The following MAGI2 variants were observed in gnomAD, a reference collection of about 807,000 sequenced individuals.
MAGI2 encodes the protein membrane associated guanylate kinase, WW and PDZ domain containing 2.
A neutral mutation model predicts 133.3 loss-of-function variants in MAGI2; 35 were observed. That is an observed-to-expected ratio of 0.26 (90% CI 0.20 to 0.35). MAGI2 has a LOEUF of 0.35. Among genes scored for constraint, MAGI2 ranks in the 10% least tolerant of loss-of-function variants. The pLI is 1.00. For synonymous variants in MAGI2, 729 were observed against 710.6 expected (o/e 1.03, Z -0.41); for missense variants, 1,636 against 1,863.4 (o/e 0.88, Z 2.25).
At chr7:78,105,564 A>T (rs1818598818) in intron 20 of MAGI2, among the ~76,000 whole-genome samples, 1 of 152,206 alleles carries the variant, frequency 6.6e-6, no homozygotes, top group Admixed American at 6.5e-5. Flanking sequence ...AATGAAAAAC[A>T]TAATAGTATA....
intron 2 of MAGI2, among the ~76,000 whole-genome samples, chr7:78,635,516 T>C (rs1478541172): frequency 6.6e-6 from 1 of 152,216 alleles, no homozygotes; most frequent in African/African-American, 2.4e-5. Flanking sequence ...CAATACATAT[T>C]TGCTAAAGAA....
chr7:78,113,958 T>C (rs940939958), intron 20 of MAGI2, among the ~76,000 whole-genome samples: 1 of 152,194 alleles, frequency 6.6e-6, no homozygotes, highest in African/African-American at 2.4e-5. Flanking sequence ...ATTCCACTAA[T>C]TGCTAGAGTT....
intron 2 of MAGI2, among the ~76,000 whole-genome samples, chr7:78,877,625 A>T (rs902311324): frequency 2.6e-5 from 4 of 152,184 alleles, no homozygotes; most frequent in African/African-American, 9.7e-5. Context: ...CTTCACTCCC[A>T]CACCATCTTG....
chr7:79,307,975 C>A (rs781752499), intron 1 of MAGI2, among the ~76,000 whole-genome samples: 2 of 152,118 alleles, frequency 1.3e-5, no homozygotes, highest in Non-Finnish European at 2.9e-5. Context: ...AGTTTGGTTC[C>A]ACATTCCTAC....
chr7:79,245,463 T>TTA (rs1180939372), intron 1 of MAGI2, among the ~76,000 whole-genome samples: 1 of 152,080 alleles, frequency 6.6e-6, no homozygotes, highest in Non-Finnish European at 1.5e-5. Context: ...GGGCCCTTGG[T>TTA]CCTTGAATGA....
At chr7:78,783,906 A>G (rs1178887165) in intron 2 of MAGI2, among the ~76,000 whole-genome samples, 1 of 152,226 alleles carries the variant, frequency 6.6e-6, no homozygotes, top group Non-Finnish European at 1.5e-5. Context: ...TAAAATGTCA[A>G]GCTTAGAGAC....
intron 1 of MAGI2, among the ~76,000 whole-genome samples, chr7:79,349,760 T>G (rs2129108126): frequency 6.6e-6 from 1 of 152,152 alleles, no homozygotes; most frequent in East Asian, 1.9e-4. Context: ...TAATAGAAAG[T>G]TTTATTTTTC....
chr7:78,780,485 T>C (rs1826307783), intron 2 of MAGI2, among the ~76,000 whole-genome samples: 1 of 152,206 alleles, frequency 6.6e-6, no homozygotes. Flanking sequence ...CCCTAATCAG[T>C]ACTCCCACTT....
intron 9 of MAGI2, among the ~76,000 whole-genome samples, chr7:78,286,385 T>C (rs1327173353): frequency 2.6e-5 from 4 of 152,136 alleles, no homozygotes; most frequent in Non-Finnish European, 5.9e-5. Context: ...TTATACAAAA[T>C]ATATGAAATA....
At position 78,194,869 on chromosome 7, in the gene MAGI2, C is replaced by T; in HGVS notation, c.2269+5G>A. On this transcript the variant is annotated splice_donor_5th_base_variant and intron_variant, in intron 12 of 21. Coordinates refer to ENST00000354212, the MANE Select transcript of MAGI2 (RefSeq NM_012301.4). ...GTACCCTTGTTTCATGTGGCTTTCA[C>T]TTACGCCTACTTTCATAAATGGCCC... The T allele has an allele frequency of 1.9e-6, 3 of 1,594,704 alleles. No individual in the cohort carries two copies. The highest frequency in any genetic ancestry group is 2.6e-6 in the Non-Finnish European group (3 of 1,172,106).
chr7:79,275,340 G>A (rs1835155490), intron 1 of MAGI2, among the ~76,000 whole-genome samples: 2 of 152,118 alleles, frequency 1.3e-5, no homozygotes, highest in African/African-American at 4.8e-5. Context: ...TGTCTGGATA[G>A]ATCAAACAAG....
chr7:78,627,074 A>G, intron 3 of MAGI2, 46 bp downstream of exon 3: 1 of 1,527,432 alleles, frequency 6.5e-7, no homozygotes, highest in Non-Finnish European at 8.8e-7. Context: ...CGAATGAGAA[A>G]AATGTGATGC....
intron 20 of MAGI2, among the ~76,000 whole-genome samples, chr7:78,080,169 C>T (rs1404739266): frequency 1.3e-5 from 2 of 152,170 alleles, no homozygotes; most frequent in African/African-American, 2.4e-5. Context: ...AACAAGACCC[C>T]CAAAGTCGGG....
chr7:78,125,967 G>A (rs2286039), intron 19 of MAGI2, 130 bp from the exon 20 acceptor site: 154 of 962,340 alleles, frequency 1.6e-4, no homozygotes, highest in South Asian at 1.1e-3. Flanking sequence ...GGGAGAAGTC[G>A]TAATCTGGCT....
chr7:78,891,962 T>C (rs1038631001), intron 2 of MAGI2, among the ~76,000 whole-genome samples: 7 of 152,200 alleles, frequency 4.6e-5, no homozygotes, highest in African/African-American at 1.7e-4. Context: ...GATGACATGA[T>C]TGTATATCCA....
At chr7:79,444,255 A>G (rs1205545157) in intron 1 of MAGI2, among the ~76,000 whole-genome samples, 1 of 152,202 alleles carries the variant, frequency 6.6e-6, no homozygotes, top group Non-Finnish European at 1.5e-5. Context: ...AACTGGCTCA[A>G]GACAGGGATG....
At chr7:78,510,693 GC>G (rs1159588625) in intron 4 of MAGI2, among the ~76,000 whole-genome samples, 1 of 152,186 alleles carries the variant, frequency 6.6e-6, no homozygotes, top group Non-Finnish European at 1.5e-5. Context: ...AGGAGGAAAA[GC>G]AATCTTCAGA....
At chr7:78,654,620 T>C (rs1017549050) in intron 2 of MAGI2, among the ~76,000 whole-genome samples, 1 of 150,026 alleles carries the variant, frequency 6.7e-6, no homozygotes. Context: ...TACTAGCCCA[T>C]AGCCCCATTT....
intron 2 of MAGI2, among the ~76,000 whole-genome samples, chr7:78,838,675 T>C (rs1466159236): frequency 6.6e-6 from 1 of 152,014 alleles, no homozygotes; most frequent in Non-Finnish European, 1.5e-5. Flanking sequence ...ACCTCAAATA[T>C]ACATTGAATA....
Sources: allele counts gnomAD v4.1 joint callset (sites outside exome capture counted in the v4.1 genomes callset), GRCh38; gene constraint gnomAD v4.1.1; transcripts MANE v1.5; gene names NCBI Gene and HGNC (gene_info 2026-07-23, HGNC 2026-07-21).